Variants in UBE3D observed in about 807,000 individuals in gnomAD.
The protein encoded by UBE3D is ubiquitin protein ligase E3D.
UBE3D carries 48 observed loss-of-function variants against 49.6 expected under a neutral mutation model. The ratio of observed to expected loss-of-function variants is 0.97; its 90% CI spans 0.77 to 1.23. The LOEUF is 1.23. Ranked by LOEUF, UBE3D falls within the 50% of genes most tolerant of loss-of-function variation. UBE3D has a pLI of 0.00. For synonymous variants in UBE3D, 189 were observed against 174.2 expected, an observed-to-expected ratio of 1.08 and a Z score of -0.67; for missense variants, 452 against 468.4, an observed-to-expected ratio of 0.96 and a Z score of 0.32.
At chr6:82,953,778 T>C (rs293519) in intron 9 of UBE3D, among the ~76,000 whole-genome samples, 100,196 of 152,204 alleles carry the variant, frequency 0.66, 33,756 homozygotes, top group East Asian at 0.79. Flanking sequence ...AACAAATAAA[T>C]GAACAAGATC....
chr6:83,046,679 G>GGGGT (rs66572347), intron 3 of UBE3D, among the ~76,000 whole-genome samples: 1 of 129,234 alleles, frequency 7.7e-6, no homozygotes, highest in African/African-American at 3.0e-5. Context: ...TGGCGGGGGG[G>GGGGT]GTGGGCGGTG....
chr6:82,999,444 G>GTGA, intron 8 of UBE3D, among the ~76,000 whole-genome samples: 1 of 152,112 alleles, frequency 6.6e-6, no homozygotes, highest in Non-Finnish European at 1.5e-5. Context: ...GAGTGCAGTG[G>GTGA]CGCGATCTAG....
At chr6:83,011,920 T>C (rs532313165) in intron 8 of UBE3D, among the ~76,000 whole-genome samples, 1 of 152,224 alleles carries the variant, frequency 6.6e-6, no homozygotes, top group South Asian at 2.1e-4. Context: ...AACACTACCA[T>C]ATATTGGATG....
intron 2 of UBE3D, among the ~76,000 whole-genome samples, chr6:83,057,583 CTA>C (rs1265818302): frequency 6.6e-6 from 1 of 152,102 alleles, no homozygotes; most frequent in Non-Finnish European, 1.5e-5. Context: ...TGGGAAATCT[CTA>C]TACTTTCTGC....
At chr6:82,920,716 CT>C (rs1773269137) in intron 9 of UBE3D, among the ~76,000 whole-genome samples, 1 of 152,190 alleles carries the variant, frequency 6.6e-6, no homozygotes, top group South Asian at 2.1e-4. Flanking sequence ...GCCACTGCTA[CT>C]TTTTCACTTA....
At chr6:82,941,011 A>G (rs1248203469) in intron 9 of UBE3D, among the ~76,000 whole-genome samples, 1 of 152,126 alleles carries the variant, frequency 6.6e-6, no homozygotes, top group Non-Finnish European at 1.5e-5. Context: ...TCAGGAGTTC[A>G]AGACGAGCCT....
At chr6:83,011,682 T>C (rs1412458449) in intron 8 of UBE3D, among the ~76,000 whole-genome samples, 2 of 152,170 alleles carry the variant, frequency 1.3e-5, no homozygotes. Flanking sequence ...GAGTCCAAAG[T>C]GTCCAAGTGG....
chr6:83,022,430 A>G, intron 7 of UBE3D, 23 bp downstream of exon 7: 1 of 1,484,790 alleles, frequency 6.7e-7, no homozygotes, highest in Admixed American at 2.3e-5. Flanking sequence ...GGCTACAAAA[A>G]GCTGGATAAA....
chr6:82,888,080 T>G (rs900241675), downstream of UBE3D, among the ~76,000 whole-genome samples: 3 of 152,140 alleles, frequency 2.0e-5, no homozygotes, highest in Non-Finnish European at 4.4e-5. Context: ...ACCTTTTTTT[T>G]TGTGGGCACT....
chr6:83,021,759 C>T (rs1781111513), intron 7 of UBE3D, among the ~76,000 whole-genome samples: 1 of 151,872 alleles, frequency 6.6e-6, no homozygotes, highest in Non-Finnish European at 1.5e-5. Flanking sequence ...GTCCCACCTA[C>T]TCGGGAGACT....
intron 9 of UBE3D, among the ~76,000 whole-genome samples, chr6:82,896,568 A>G (rs942997886): frequency 6.6e-6 from 1 of 152,208 alleles, no homozygotes; most frequent in African/African-American, 2.4e-5. Flanking sequence ...CAATCTTCTT[A>G]AACCACAATA....
At chr6:82,925,354 T>A (rs1303795269) in intron 9 of UBE3D, among the ~76,000 whole-genome samples, 1 of 152,180 alleles carries the variant, frequency 6.6e-6, no homozygotes, top group African/African-American at 2.4e-5. Flanking sequence ...TTTCAAAATG[T>A]CTGAGGAATT....
chr6:83,006,438 C>T (rs1170969005), intron 8 of UBE3D, among the ~76,000 whole-genome samples: 2 of 152,088 alleles, frequency 1.3e-5, no homozygotes, highest in Admixed American at 6.5e-5. Flanking sequence ...GGTCCCTAAT[C>T]TGATAGGGCT....
intron 7 of UBE3D, among the ~76,000 whole-genome samples, chr6:83,020,787 C>T (rs571786633): frequency 9.9e-4 from 151 of 152,308 alleles, no homozygotes; most frequent in African/African-American, 3.6e-3. Flanking sequence ...ACAGCAACTT[C>T]AGGCCCTTCC....
At chr6:82,917,398 G>A (rs561400714) in intron 9 of UBE3D, among the ~76,000 whole-genome samples, 10 of 152,206 alleles carry the variant, frequency 6.6e-5, no homozygotes, top group South Asian at 2.1e-4. Context: ...GGCAAAATAC[G>A]TATGCAGGAA....
chr6:82,891,893 G>A (rs998464159), downstream of UBE3D, among the ~76,000 whole-genome samples: 3 of 152,166 alleles, frequency 2.0e-5, no homozygotes, highest in Admixed American at 6.5e-5. Context: ...CAGGTGTGAT[G>A]GTGGGTGCCT....
At chr6:83,017,472 A>G (rs1780775407) in intron 8 of UBE3D, 1 of 152,138 alleles carries the variant, frequency 6.6e-6, no homozygotes, top group Non-Finnish European at 1.5e-5. Context: ...CACACACAAA[A>G]AAAAACCCAA....
the UBE3D span, among the ~76,000 whole-genome samples, chr6:82,885,965 G>A: frequency 8.5e-5 from 13 of 152,144 alleles, no homozygotes; most frequent in African/African-American, 3.1e-4. Flanking sequence ...CCATTGGGAG[G>A]GCCCTCTTTG....
chr6:82,936,177 T>C (rs1774560608), intron 9 of UBE3D, among the ~76,000 whole-genome samples: 1 of 152,178 alleles, frequency 6.6e-6, no homozygotes. Context: ...TATTCCATCC[T>C]GCCCCTGCCA....
Sources: allele counts gnomAD v4.1 joint callset (sites outside exome capture counted in the v4.1 genomes callset), GRCh38; gene constraint gnomAD v4.1.1; transcripts MANE v1.5; gene names NCBI Gene and HGNC (gene_info 2026-07-23, HGNC 2026-07-21).